CAMTA1: variants seen among roughly 807,000 people sequenced by gnomAD.
CAMTA1 encodes calmodulin binding transcription activator 1.
Under a neutral mutation model 170.9 loss-of-function variants are expected in CAMTA1, and 27 were observed. The ratio of observed to expected loss-of-function variants is 0.16; its 90% CI spans 0.12 to 0.22. The LOEUF (loss-of-function observed/expected upper bound fraction) is 0.22, where lower values mean the gene tolerates loss of function less well. CAMTA1 is among the 10% of genes least tolerant of loss of function. The pLI, the probability that CAMTA1 is intolerant of heterozygous loss-of-function variation, is 1.00. For missense variants in CAMTA1, 1,619 were observed against 2,217.2 expected, an observed-to-expected ratio of 0.73 and a Z score of 5.42; for synonymous variants, 833 against 891.5, an observed-to-expected ratio of 0.93 and a Z score of 1.17.
intron 3 of CAMTA1, among the ~76,000 whole-genome samples, chr1:7,002,120 A>G (rs1698311677): frequency 6.6e-6 from 1 of 151,578 alleles, no homozygotes; most frequent in South Asian, 2.1e-4. Flanking sequence ...CTGGTCTCGA[A>G]CTCCAGACCT....
rs114876018 is a variant in CAMTA1 at position 7,502,111 on chromosome 1, T to C, written c.510+34210T>C. On this transcript the variant is annotated intron_variant, in intron 6 of 22. Coordinates refer to ENST00000303635, the MANE Select transcript of CAMTA1 (RefSeq NM_015215.4). Reference sequence around the variant, plus strand: ...CACATGTGGTGCAGCGGTGAGCAGATTGCAGGTTGCTAGGATGGGTCCAAG... The same window carrying C: ...CACATGTGGTGCAGCGGTGAGCAGACTGCAGGTTGCTAGGATGGGTCCAAG... Among the ~76,000 whole-genome samples, 587 of 152,322 alleles carry C rather than the reference T, an allele frequency of 3.9e-3. 2 individuals carry two copies. The highest frequency in any genetic ancestry group is 0.014 in the African/African-American group (566 of 41,572).
intron 6 of CAMTA1, among the ~76,000 whole-genome samples, chr1:7,499,433 G>GGC (rs1339023188): frequency 5.6e-5 from 3 of 53,714 alleles, no homozygotes; most frequent in African/African-American, 2.2e-4. Context: ...GTGTGAGCCT[G>GGC]GTGTGCATAT....
At chr1:7,620,239 G>A (rs1242578679) in intron 6 of CAMTA1, among the ~76,000 whole-genome samples, 2 of 152,144 alleles carry the variant, frequency 1.3e-5, no homozygotes, top group African/African-American at 2.4e-5. Flanking sequence ...ACAATTTTTT[G>A]TCATCACCCT....
At chr1:7,637,662 C>A (rs988923132) in intron 6 of CAMTA1, among the ~76,000 whole-genome samples, 2 of 152,190 alleles carry the variant, frequency 1.3e-5, no homozygotes, top group Non-Finnish European at 2.9e-5. Context: ...GATGTCCTGG[C>A]AGGACCCGAA....
intron 16 of CAMTA1, among the ~76,000 whole-genome samples, chr1:7,740,743 T>C (rs2096805809): frequency 6.6e-6 from 1 of 152,206 alleles, no homozygotes; most frequent in Non-Finnish European, 1.5e-5. Flanking sequence ...TATTTAAGTT[T>C]AAATAGCCAT....
At chr1:7,728,630 T>A (rs370118799) in intron 11 of CAMTA1, among the ~76,000 whole-genome samples, 1 of 152,212 alleles carries the variant, frequency 6.6e-6, no homozygotes, top group Non-Finnish European at 1.5e-5. Flanking sequence ...CCAAGTAGGT[T>A]CCGAGATCAA....
intron 3 of CAMTA1, among the ~76,000 whole-genome samples, chr1:6,870,271 C>T (rs528920677): frequency 6.6e-6 from 1 of 152,170 alleles, no homozygotes; most frequent in African/African-American, 2.4e-5. Flanking sequence ...GCAACAAACA[C>T]ATATGTGACA....
chr1:7,624,232 G>A (rs978035660), intron 6 of CAMTA1, among the ~76,000 whole-genome samples: 2 of 152,232 alleles, frequency 1.3e-5, no homozygotes, highest in African/African-American at 2.4e-5. Context: ...ACCACAGTTT[G>A]TCTCCCACAC....
At chr1:7,406,424 T>G (rs1376596842) in intron 5 of CAMTA1, among the ~76,000 whole-genome samples, 1 of 152,152 alleles carries the variant, frequency 6.6e-6, no homozygotes, top group Non-Finnish European at 1.5e-5. Flanking sequence ...ACGTCTTAGA[T>G]GAACAATCGG....
rs1258131316 is a variant in CAMTA1 at position 7,452,615 on chromosome 1, C to A, written c.439-15215C>A. Among the ~76,000 whole-genome samples the A allele has an allele frequency of 2.1e-4, 32 of 152,212 alleles. 1 individual carries two copies. Among genetic ancestry groups the A allele is most frequent in the Non-Finnish European group, 5.9e-5 (4 of 68,038 alleles). Reference sequence around the variant, plus strand: ...TCAGAATGTTTCCTAGGAATGGAATCATACAATGTGTGGCCTTCTGTGCCT... The same window carrying A: ...TCAGAATGTTTCCTAGGAATGGAATAATACAATGTGTGGCCTTCTGTGCCT... On this transcript the variant is annotated intron_variant, in intron 5 of 22. Transcript: ENST00000303635.
At chr1:7,259,115 GT>G (rs1490487961) in intron 5 of CAMTA1, among the ~76,000 whole-genome samples, 1 of 152,150 alleles carries the variant, frequency 6.6e-6, no homozygotes, top group Non-Finnish European at 1.5e-5. Context: ...CCGGCCCCTT[GT>G]TTCCTTCTGT....
At chr1:7,190,965 T>C (rs1248405447) in intron 4 of CAMTA1, among the ~76,000 whole-genome samples, 1 of 152,256 alleles carries the variant, frequency 6.6e-6, no homozygotes, top group African/African-American at 2.4e-5. Context: ...GACTTCTTTC[T>C]TCCAGACAGG....
chr1:6,810,070 C>T (rs543523874), intron 1 of CAMTA1, among the ~76,000 whole-genome samples: 99 of 152,276 alleles, frequency 6.5e-4, no homozygotes, highest in African/African-American at 2.4e-3. Flanking sequence ...GCTGCTGTAA[C>T]CAATCATCAC....
At chr1:7,596,224 G>T (rs1176397800) in intron 6 of CAMTA1, among the ~76,000 whole-genome samples, 2 of 152,218 alleles carry the variant, frequency 1.3e-5, no homozygotes, top group East Asian at 3.9e-4. Context: ...GGAAGCAGGA[G>T]GCTCTCTGAG....
chr1:6,866,834 T>A (rs1291289230), intron 3 of CAMTA1, among the ~76,000 whole-genome samples: 1 of 152,228 alleles, frequency 6.6e-6, no homozygotes. Flanking sequence ...GTTTTAAATA[T>A]GTAGCATTTA....
intron 5 of CAMTA1, among the ~76,000 whole-genome samples, chr1:7,306,717 CTT>C (rs1039590127): frequency 6.6e-6 from 1 of 151,828 alleles, no homozygotes; most frequent in Non-Finnish European, 1.5e-5. Flanking sequence ...CTATAGATCA[CTT>C]TGGGGGAAAC....
At chr1:6,966,014 C>T (rs1246529824) in intron 3 of CAMTA1, among the ~76,000 whole-genome samples, 1 of 151,574 alleles carries the variant, frequency 6.6e-6, no homozygotes, top group Non-Finnish European at 1.5e-5. Context: ...TGGGGGATCT[C>T]GGGGATGGGG....
intron 1 of CAMTA1, among the ~76,000 whole-genome samples, chr1:6,817,656 C>T (rs1213290253): frequency 6.6e-6 from 1 of 152,126 alleles, no homozygotes; most frequent in Non-Finnish European, 1.5e-5. Flanking sequence ...GTTTTTGTGT[C>T]AGGGTCTCAT....
At chr1:7,057,789 T>C (rs909845042) in intron 3 of CAMTA1, among the ~76,000 whole-genome samples, 1 of 152,248 alleles carries the variant, frequency 6.6e-6, no homozygotes, top group Non-Finnish European at 1.5e-5. Flanking sequence ...CGGTTTGCTG[T>C]TGATCCAGTT....
Sources: allele counts gnomAD v4.1 joint callset (sites outside exome capture counted in the v4.1 genomes callset), GRCh38; gene constraint gnomAD v4.1.1; transcripts MANE v1.5; gene names NCBI Gene and HGNC (gene_info 2026-07-23, HGNC 2026-07-21).